VWA8: variants seen among roughly 807,000 people sequenced by gnomAD.
The protein encoded by VWA8 is von Willebrand factor A domain-containing protein 8.
A neutral mutation model predicts 241.5 loss-of-function variants in VWA8; 221 were observed. The observed-to-expected ratio is 0.91, with a 90% CI of 0.82 to 1.02. The LOEUF (loss-of-function observed/expected upper bound fraction) is 1.02. Ranked by LOEUF, VWA8 falls within the 50% of genes least tolerant of loss-of-function variation. VWA8 has a pLI of 0.00. For missense variants in VWA8, 2,322 were observed against 2,328.7 expected (o/e 1.00, Z 0.06); for synonymous variants, 852 against 827.1 (o/e 1.03, Z -0.52).
At chr13:41,628,570 AC>A (rs979396480) in intron 37 of VWA8, among the ~76,000 whole-genome samples, 3 of 152,192 alleles carry the variant, frequency 2.0e-5, no homozygotes, top group Non-Finnish European at 4.4e-5. Flanking sequence ...AAAATGTGGT[AC>A]CTGTACACCC....
intron 5 of VWA8, 21 bp from the exon 6 acceptor site, chr13:41,887,382 G>A: frequency 6.2e-7 from 1 of 1,602,504 alleles, no homozygotes. Flanking sequence ...AAGAGATCCG[G>A]AAGCTATAGC....
intron 9 of VWA8, among the ~76,000 whole-genome samples, chr13:41,876,305 G>T (rs1466966695): frequency 6.6e-6 from 1 of 152,042 alleles, no homozygotes; most frequent in Non-Finnish European, 1.5e-5. Context: ...ACTGAAAGCA[G>T]AAGTCCTTTC....
intron 9 of VWA8, among the ~76,000 whole-genome samples, chr13:41,872,659 G>A (rs143617674): frequency 6.6e-6 from 1 of 151,824 alleles, no homozygotes; most frequent in African/African-American, 2.4e-5. Flanking sequence ...CTGTTCCATT[G>A]ATCTATATCT....
At chr13:41,779,067 T>A (rs1868769432) in intron 19 of VWA8, among the ~76,000 whole-genome samples, 1 of 150,792 alleles carries the variant, frequency 6.6e-6, no homozygotes, top group South Asian at 2.1e-4. Context: ...GGTCTTGATC[T>A]CCTGACCTCG....
intron 37 of VWA8, among the ~76,000 whole-genome samples, chr13:41,667,917 A>G (rs1269308908): frequency 6.6e-6 from 1 of 152,208 alleles, no homozygotes; most frequent in Non-Finnish European, 1.5e-5. Flanking sequence ...CTATCAAAGC[A>G]TGTAAAATTA....
chr13:41,599,153 G>T (rs1383249318), intron 40 of VWA8, among the ~76,000 whole-genome samples: 1 of 151,960 alleles, frequency 6.6e-6, no homozygotes, highest in Admixed American at 6.6e-5. Context: ...CTTTCTTATG[G>T]TTTTTACCCC....
At position 41,570,545 on chromosome 13, in the gene VWA8, A is replaced by C. The variant is rs760412994; in HGVS notation, c.5532T>G (p.Phe1844Leu). 1 of 1,614,216 alleles carries C rather than the reference A, an allele frequency of 6.2e-7. No homozygotes were observed. The highest frequency in any genetic ancestry group is 8.5e-7 in the Non-Finnish European group (1 of 1,180,042). The change falls in exon 44 of 45, where the codon TTT (phenylalanine) becomes TTG (leucine). Residue 1844 changes from phenylalanine (F) to leucine (L), a missense_variant. Phe to Leu is a conservative substitution (Grantham distance 22). Transcript: ENST00000379310. ...GAGGGTCTCTTGTGAGGATTTGAGC[A>C]AACTTAGCAGGATGTATTCCATATC... is the stretch of plus-strand genomic sequence containing the variant. The part of the protein sequence containing the change: ...LSRYGIHPAK[F>L]AQILTRDPQV...
chr13:41,957,858 C>G (rs766905983), intron 1 of VWA8, among the ~76,000 whole-genome samples: 1 of 152,026 alleles, frequency 6.6e-6, no homozygotes, highest in Non-Finnish European at 1.5e-5. Context: ...AAGGAAAGCA[C>G]CAAAATGTCA....
rs559771336 is a variant in VWA8, at chr13:41,591,203, G to A, written c.4987-438C>T. 8.5e-5 allele frequency among the ~76,000 whole-genome samples: 13 copies of A among 152,200 alleles called. No homozygotes were observed. The South Asian group carries it at 2.7e-3, about 31-fold the overall frequency. On this transcript the variant is annotated intron_variant, in intron 40 of 44. Coordinates refer to ENST00000379310, the MANE Select transcript of VWA8 (RefSeq NM_015058.2). Reference sequence around the variant, plus strand: ...AAGAGTTTGTTACTCAAGTTCTCTGGGACTTAGAGTGCAAATGGAAATAGC... The same window carrying A: ...AAGAGTTTGTTACTCAAGTTCTCTGAGACTTAGAGTGCAAATGGAAATAGC...
rs1023920796 is a variant in VWA8 at position 41,690,364 on chromosome 13, A to G, written c.3867-89T>C. The G allele has an allele frequency of 4.6e-6, 5 of 1,087,570 alleles. No homozygotes were observed. In the African/African-American group the frequency reaches 4.8e-5, roughly 11 times the overall value. The allele number at this position is 1,087,570 out of a possible 1,614,324, so 67.4% of individuals were successfully genotyped here. On this transcript the variant is annotated intron_variant, in intron 32 of 44. Coordinates refer to ENST00000379310, the MANE Select transcript of VWA8 (RefSeq NM_015058.2). The stretch of plus-strand genomic sequence containing the variant: ...GACTAAGAAAAATTAGATTCTCCTC[A>G]GTCTCTTTTTTATAGTTCCAGTATA...
intron 20 of VWA8, among the ~76,000 whole-genome samples, chr13:41,770,918 A>G (rs2045817810): frequency 6.6e-6 from 1 of 150,886 alleles, no homozygotes; most frequent in Admixed American, 6.6e-5. Flanking sequence ...AAAAAAAAAA[A>G]AAAAGCTGAC....
intron 42 of VWA8, among the ~76,000 whole-genome samples, chr13:41,581,426 C>CCTT (rs2044383055): frequency 6.6e-6 from 1 of 152,226 alleles, no homozygotes; most frequent in African/African-American, 2.4e-5. Context: ...TCTAATTCTT[C>CCTT]CTTTCCTTTA....
intron 17 of VWA8, among the ~76,000 whole-genome samples, chr13:41,800,093 C>T (rs1404416510): frequency 6.6e-6 from 1 of 152,182 alleles, no homozygotes; most frequent in South Asian, 2.1e-4. Context: ...AGGGTTCATC[C>T]ACGTTATAAC....
At chr13:41,675,936 TG>T (rs1439381366) in intron 35 of VWA8, among the ~76,000 whole-genome samples, 2 of 151,858 alleles carry the variant, frequency 1.3e-5, no homozygotes, top group East Asian at 3.9e-4. Flanking sequence ...CAGGGGAAGG[TG>T]AGGTGAGGAT....
At chr13:41,892,776 T>C (rs1430611505) in intron 4 of VWA8, among the ~76,000 whole-genome samples, 1 of 152,224 alleles carries the variant, frequency 6.6e-6, no homozygotes, top group Non-Finnish European at 1.5e-5. Context: ...TGAGCACCAT[T>C]GACCCAGGTC....
chr13:41,754,276 G>A (rs188867175), intron 21 of VWA8, among the ~76,000 whole-genome samples: 16 of 152,202 alleles, frequency 1.1e-4, no homozygotes, highest in African/African-American at 3.6e-4. Flanking sequence ...AGTCTCAAGA[G>A]ATCTGATGGT....
At position 41,568,239 on chromosome 13, in the gene VWA8, A is replaced by T; in HGVS notation, c.5676T>A (p.Ile1892=). 1.9e-6 allele frequency: 3 copies of T among 1,614,072 alleles called. No homozygotes were observed. Among genetic ancestry groups the T allele is most frequent in the Non-Finnish European group, 2.5e-6 (3 of 1,179,982 alleles). ...TGGTGGAGGTGAAGATCTGTTGTAA[A>T]ATCTGAGGGATATCCTTGGTATCCA... The part of the protein sequence containing the change: ...VAMDTKDIPQ[I]LQQIFTSTML... The change falls in exon 45 of 45, where the codon ATT becomes ATA. Residue 1892 remains isoleucine (I), a synonymous_variant. Coordinates refer to ENST00000379310, the MANE Select transcript of VWA8 (RefSeq NM_015058.2).
chr13:41,784,277 C>T (rs965328725), intron 18 of VWA8, among the ~76,000 whole-genome samples: 6 of 152,076 alleles, frequency 3.9e-5, no homozygotes, highest in African/African-American at 1.4e-4. Context: ...TGAATATTAT[C>T]TTTTAGTGTG....
chr13:41,656,780 C>T (rs1317821731), intron 37 of VWA8, among the ~76,000 whole-genome samples: 1 of 152,108 alleles, frequency 6.6e-6, no homozygotes, highest in Non-Finnish European at 1.5e-5. Flanking sequence ...TCCAAGAAGT[C>T]CTAACTTAGA....
Sources: allele counts gnomAD v4.1 joint callset (sites outside exome capture counted in the v4.1 genomes callset), GRCh38; gene constraint gnomAD v4.1.1; transcripts MANE v1.5; gene names NCBI Gene and HGNC (gene_info 2026-07-23, HGNC 2026-07-21).